MATCAP2: variants seen among roughly 807,000 people sequenced by gnomAD.
MATCAP2 encodes putative tyrosine carboxypeptidase MATCAP2.
the MATCAP2 span, among the ~76,000 whole-genome samples, chr7:36,349,850 A>T: frequency 2.0e-5 from 3 of 152,224 alleles, no homozygotes; most frequent in Non-Finnish European, 4.4e-5. Context: ...TTCCAAGGAC[A>T]TATAATCTGA....
the MATCAP2 span, among the ~76,000 whole-genome samples, chr7:36,343,720 A>G: frequency 0.41 from 62,451 of 150,640 alleles, 13,505 homozygotes; most frequent in African/African-American, 0.51. Flanking sequence ...AGGAAAGAAA[A>G]TAAAATGTTT....
chr7:36,337,164 G>A, the MATCAP2 span, among the ~76,000 whole-genome samples: 1 of 140,918 alleles, frequency 7.1e-6, no homozygotes, highest in Non-Finnish European at 1.5e-5. Flanking sequence ...ATTTTCCTGG[G>A]CTACTCTTTG....
the MATCAP2 span, chr7:36,336,107 A>G: frequency 1.5e-6 from 2 of 1,319,708 alleles, no homozygotes; most frequent in Non-Finnish European, 1.0e-6. Flanking sequence ...AAAATAAACT[A>G]TGACTGTCAA....
At chr7:36,361,117 T>A in the MATCAP2 span, among the ~76,000 whole-genome samples, 3 of 152,362 alleles carry the variant, frequency 2.0e-5, no homozygotes, top group African/African-American at 7.2e-5. Flanking sequence ...GTGAATATAC[T>A]GAAGTTATCA....
chr7:36,377,792 G>A, the MATCAP2 span, among the ~76,000 whole-genome samples: 1 of 152,102 alleles, frequency 6.6e-6, no homozygotes, highest in Admixed American at 6.5e-5. Flanking sequence ...TGGAGGCTTT[G>A]TTCGTTTCTT....
At chr7:36,369,048 C>T in the MATCAP2 span, among the ~76,000 whole-genome samples, 3 of 151,948 alleles carry the variant, frequency 2.0e-5, no homozygotes, top group Admixed American at 6.6e-5. Context: ...ATTGATTTAT[C>T]ATGACTGTTG....
At chr7:36,390,166 A>T in the MATCAP2 span, 5 of 1,558,244 alleles carry the variant, frequency 3.2e-6, no homozygotes, top group Non-Finnish European at 3.5e-6. Context: ...GCGCGTGCGC[A>T]GTGTGTGCGG....
At chr7:36,332,006 T>C in the MATCAP2 span, among the ~76,000 whole-genome samples, 1 of 152,212 alleles carries the variant, frequency 6.6e-6, no homozygotes, top group Non-Finnish European at 1.5e-5. Flanking sequence ...TTTGGAAGAA[T>C]AGACGAACCA....
the MATCAP2 span, chr7:36,355,490 G>A: frequency 6.6e-6 from 1 of 152,216 alleles, no homozygotes; most frequent in East Asian, 1.9e-4. Context: ...ACCCATTAAA[G>A]AATACAGAAG....
At chr7:36,335,258 G>T in the MATCAP2 span, 24 of 1,288,444 alleles carry the variant, frequency 1.9e-5, no homozygotes, top group South Asian at 2.8e-4. Context: ...AAAACAATGG[G>T]CCTGTAAATT....
the MATCAP2 span, among the ~76,000 whole-genome samples, chr7:36,344,198 A>T: frequency 6.6e-6 from 1 of 152,192 alleles, no homozygotes; most frequent in Non-Finnish European, 1.5e-5. Flanking sequence ...GCTGTAGGCA[A>T]AAAGCTCCCT....
chr7:36,339,203 A>G, the MATCAP2 span, among the ~76,000 whole-genome samples: 12,213 of 152,294 alleles, frequency 0.08, 650 homozygotes, highest in East Asian at 0.16. Flanking sequence ...ACATGCCTGA[A>G]ACAAAAATTA....
the MATCAP2 span, among the ~76,000 whole-genome samples, chr7:36,373,888 G>A: frequency 2.6e-5 from 4 of 152,120 alleles, no homozygotes; most frequent in African/African-American, 4.8e-5. Flanking sequence ...AGGTTCAAGC[G>A]ATTCTCCTGC....
chr7:36,383,704 C>G, the MATCAP2 span, among the ~76,000 whole-genome samples: 1 of 152,246 alleles, frequency 6.6e-6, no homozygotes, highest in Admixed American at 6.5e-5. Context: ...AGGAGAAATA[C>G]CTAATATAGA....
chr7:36,367,023 C>G, the MATCAP2 span: 1 of 1,282,146 alleles, frequency 7.8e-7, no homozygotes, highest in Non-Finnish European at 9.8e-7. Flanking sequence ...TAGCCTCTGA[C>G]CCGGGCCTCG....
chr7:36,364,085 C>A, the MATCAP2 span, among the ~76,000 whole-genome samples: 18 of 104,914 alleles, frequency 1.7e-4, no homozygotes, highest in African/African-American at 7.7e-4. Flanking sequence ...GTAGAATCTT[C>A]TTCTTCTTTT....
the MATCAP2 span, among the ~76,000 whole-genome samples, chr7:36,343,670 TAAAG>T: frequency 2.5e-4 from 33 of 131,668 alleles, no homozygotes; most frequent in Admixed American, 2.3e-4. Context: ...GGAAAGAAAG[TAAAG>T]GAAGGAAGGA....
At chr7:36,372,856 A>G in the MATCAP2 span, among the ~76,000 whole-genome samples, 3 of 152,246 alleles carry the variant, frequency 2.0e-5, no homozygotes, top group South Asian at 2.1e-4. Context: ...TGTAATCCCA[A>G]CACTTTGGGA....
At chr7:36,366,835 G>T in the MATCAP2 span, 1 of 1,519,310 alleles carries the variant, frequency 6.6e-7, no homozygotes, top group Non-Finnish European at 8.8e-7. Flanking sequence ...CCAGCCGGTG[G>T]CTACCATTAC....
Sources: gnomAD v4.1 joint callset for allele counts (sites outside exome capture counted in the v4.1 genomes callset) on GRCh38, gnomAD v4.1.1 for gene constraint, MANE v1.5 for transcripts, NCBI Gene and HGNC (gene_info 2026-07-23, HGNC 2026-07-21) for gene names.